SLC16A2: variants seen among roughly 807,000 people sequenced by gnomAD.
SLC16A2 encodes the protein solute carrier family 16 member 2, also known as monocarboxylate transporter 8.
Under a neutral mutation model 27.2 loss-of-function variants are expected in SLC16A2, and 3 were observed. The observed-to-expected ratio is 0.11, with a 90% CI of 0.05 to 0.28. The LOEUF is 0.28. Ranked by LOEUF, SLC16A2 falls within the 10% of genes least tolerant of loss-of-function variation. The pLI, the probability that SLC16A2 is intolerant of heterozygous loss-of-function variation, is 1.00. For missense variants in SLC16A2, 295 were observed against 458.5 expected (o/e 0.64, Z 3.26); for synonymous variants, 202 against 187.8 (o/e 1.08, Z -0.62).
intron 1 of SLC16A2, among the ~76,000 whole-genome samples, chrX:74,454,088 G>A (rs1298077241): frequency 1.8e-5 from 2 of 111,164 alleles, no homozygotes; most frequent in Non-Finnish European, 3.8e-5. Flanking sequence ...TGTCCTCACT[G>A]TTTTCTTTCC....
intron 1 of SLC16A2, among the ~76,000 whole-genome samples, chrX:74,508,143 A>G (rs755303987): frequency 1.0e-3 from 112 of 112,199 alleles, no homozygotes; most frequent in South Asian, 2.6e-3. Flanking sequence ...TCTTGAAACG[A>G]GATAATATAA....
intron 1 of SLC16A2, among the ~76,000 whole-genome samples, chrX:74,444,725 C>T (rs979912966): frequency 1.8e-5 from 2 of 112,072 alleles, no homozygotes; most frequent in Non-Finnish European, 3.8e-5. Flanking sequence ...AAATACTTGG[C>T]GAGCCCTAAA....
intron 1 of SLC16A2, among the ~76,000 whole-genome samples, chrX:74,456,046 T>C (rs1929037505): frequency 8.9e-6 from 1 of 111,827 alleles, no homozygotes; most frequent in Non-Finnish European, 1.9e-5. Context: ...TATAGTTGAT[T>C]ATGTGTGAGT....
intron 1 of SLC16A2, among the ~76,000 whole-genome samples, chrX:74,482,464 G>A (rs983064663): frequency 9.0e-6 from 1 of 111,264 alleles, no homozygotes; most frequent in Non-Finnish European, 1.9e-5. Context: ...ACATTTCTCT[G>A]AGTCTCTGTT....
intron 1 of SLC16A2, among the ~76,000 whole-genome samples, chrX:74,476,647 A>G (rs868252768): frequency 4.5e-5 from 5 of 111,835 alleles, no homozygotes; most frequent in South Asian, 7.4e-4. Context: ...TTTGAGATAC[A>G]TCCCATCAAT....
chrX:74,435,004 T>C (rs1928599901), intron 1 of SLC16A2, among the ~76,000 whole-genome samples: 1 of 107,441 alleles, frequency 9.3e-6, no homozygotes, highest in African/African-American at 3.4e-5. Context: ...TTGTATTTTT[T>C]TTTTTTTAGT....
intron 1 of SLC16A2, among the ~76,000 whole-genome samples, chrX:74,512,225 C>G (rs1930245789): frequency 8.9e-6 from 1 of 112,196 alleles, no homozygotes; most frequent in African/African-American, 3.2e-5. Flanking sequence ...TCACCATGTT[C>G]TGGGAACTCT....
intron 1 of SLC16A2, among the ~76,000 whole-genome samples, chrX:74,442,186 C>T (rs1466892156): frequency 2.0e-5 from 2 of 101,664 alleles, no homozygotes; most frequent in Non-Finnish European, 4.0e-5. Flanking sequence ...CGAGATCACG[C>T]CATTGCACTC....
At chrX:74,423,096 A>C (rs1009754081) in intron 1 of SLC16A2, among the ~76,000 whole-genome samples, 1 of 112,722 alleles carries the variant, frequency 8.9e-6, no homozygotes, top group African/African-American at 3.2e-5. Context: ...GGGAGAAGTC[A>C]GAGGAACCAT....
chrX:74,429,401 G>A (rs747344384), intron 1 of SLC16A2, among the ~76,000 whole-genome samples: 3 of 109,529 alleles, frequency 2.7e-5, no homozygotes, highest in Non-Finnish European at 5.7e-5. Context: ...GAGCCAAGGC[G>A]GTTGACGTTG....
intron 1 of SLC16A2, among the ~76,000 whole-genome samples, chrX:74,502,231 TTGCGTATG>T (rs1224373991): frequency 8.9e-6 from 1 of 111,921 alleles, no homozygotes; most frequent in Non-Finnish European, 1.9e-5. Context: ...TTCCAAACTC[TTGCGTATG>T]TGATTCAGTC....
At chrX:74,503,032 G>A (rs1930063951) in intron 1 of SLC16A2, among the ~76,000 whole-genome samples, 1 of 109,571 alleles carries the variant, frequency 9.1e-6, no homozygotes, top group Admixed American at 9.9e-5. Flanking sequence ...TTTCAGAGCT[G>A]AGGACCAGGG....
chrX:74,507,754 G>A (rs1304689465), intron 1 of SLC16A2, among the ~76,000 whole-genome samples: 1 of 112,137 alleles, frequency 8.9e-6, no homozygotes, highest in African/African-American at 3.2e-5. Flanking sequence ...CAGCAACATG[G>A]ATAGAACTGG....
intron 1 of SLC16A2, among the ~76,000 whole-genome samples, chrX:74,434,379 G>C (rs1194422085): frequency 8.9e-6 from 1 of 112,051 alleles, no homozygotes; most frequent in Non-Finnish European, 1.9e-5. Context: ...GGCAGAGTGG[G>C]GGCAGAGAAA....
At chrX:74,474,681 C>G (rs1329438920) in intron 1 of SLC16A2, among the ~76,000 whole-genome samples, 4 of 110,217 alleles carry the variant, frequency 3.6e-5, no homozygotes, top group Non-Finnish European at 7.6e-5. Context: ...TTCCTGTGTC[C>G]ATGTGTTCTC....
intron 3 of SLC16A2, among the ~76,000 whole-genome samples, chrX:74,525,307 T>C (rs915096957): frequency 2.7e-5 from 3 of 112,133 alleles, no homozygotes; most frequent in Admixed American, 1.9e-4. Context: ...ACTACAGAAC[T>C]GTTGGTTGTA....
Position 74,532,951 on chromosome X carries a change from G to A in SLC16A2, c.*1398G>A, listed in dbSNP as rs934613171. 1 of 112,086 alleles carries A rather than the reference G, an allele frequency of 8.9e-6. No homozygotes were observed. The highest frequency in any genetic ancestry group is 3.3e-5 in the African/African-American group (1 of 30,760). The allele number at this position is 112,086 out of a possible 1,213,427, so 9.2% of individuals were successfully genotyped here. A position where few individuals can be genotyped will look rare whatever the true frequency, so the allele number is the denominator to read the frequency against. On this transcript the variant is annotated 3_prime_UTR_variant, in exon 6 of 6. Coordinates refer to ENST00000587091, the MANE Select transcript of SLC16A2 (RefSeq NM_006517.5). ...GAACATTCCCAGTGCCCCTGGCTAG[G>A]GGCAGAGGGCACTGCCAGGCTGTGT...
At chrX:74,447,414 C>T (rs1245336153) in intron 1 of SLC16A2, among the ~76,000 whole-genome samples, 2 of 111,206 alleles carry the variant, frequency 1.8e-5, no homozygotes, top group East Asian at 2.8e-4. Flanking sequence ...GGTTCATACC[C>T]GTAATCCCAA....
At chrX:74,500,423 A>G (rs745877645) in intron 1 of SLC16A2, among the ~76,000 whole-genome samples, 5 of 111,387 alleles carry the variant, frequency 4.5e-5, no homozygotes, top group Non-Finnish European at 7.5e-5. Flanking sequence ...AATTTTCCAT[A>G]TGTTATTGGG....
Sources: gnomAD v4.1 joint callset for allele counts (sites outside exome capture counted in the v4.1 genomes callset) on GRCh38, gnomAD v4.1.1 for gene constraint, MANE v1.5 for transcripts, NCBI Gene and HGNC (gene_info 2026-07-23, HGNC 2026-07-21) for gene names.